The following NAALADL2 variants were observed in gnomAD, a reference collection of about 807,000 sequenced individuals.
NAALADL2 encodes inactive N-acetylated-alpha-linked acidic dipeptidase-like protein 2.
In NAALADL2, 76 loss-of-function variants were observed where a neutral mutation model predicts 87.2. The observed-to-expected ratio is 0.87, with a 90% CI of 0.72 to 1.05. NAALADL2 has a LOEUF of 1.05. NAALADL2 is among the 50% of genes least tolerant of loss of function. The pLI is 0.00. For missense variants in NAALADL2, 1,089 were observed against 945.8 expected, an observed-to-expected ratio of 1.15 and a Z score of -1.99; for synonymous variants, 354 against 331.0, an observed-to-expected ratio of 1.07 and a Z score of -0.75.
chr3:175,663,772 A>G (rs955256774), intron 11 of NAALADL2, among the ~76,000 whole-genome samples: 1 of 151,862 alleles, frequency 6.6e-6, no homozygotes, highest in Non-Finnish European at 1.5e-5. Flanking sequence ...AGAACTTTTA[A>G]TTTGTATTTA....
chr3:174,896,026 A>G (rs1731487370), intron 1 of NAALADL2, among the ~76,000 whole-genome samples: 2 of 152,170 alleles, frequency 1.3e-5, no homozygotes, highest in African/African-American at 2.4e-5. Flanking sequence ...AAAACTGGGT[A>G]TAGAAGAAAC....
At chr3:174,928,870 A>G (rs1053704877) in intron 1 of NAALADL2, among the ~76,000 whole-genome samples, 24 of 152,184 alleles carry the variant, frequency 1.6e-4, no homozygotes, top group Admixed American at 2.6e-4. Flanking sequence ...ACTTTTATTC[A>G]TGTTTGACTC....
At chr3:175,698,674 A>G (rs939503153) in intron 11 of NAALADL2, among the ~76,000 whole-genome samples, 4 of 151,510 alleles carry the variant, frequency 2.6e-5, no homozygotes, top group Non-Finnish European at 4.4e-5. Flanking sequence ...AGTAGAATTT[A>G]GAAGAATTCG....
At chr3:175,665,945 G>C (rs1027386105) in intron 11 of NAALADL2, among the ~76,000 whole-genome samples, 1 of 151,818 alleles carries the variant, frequency 6.6e-6, no homozygotes, top group African/African-American at 2.4e-5. Context: ...CAAAAAAAAG[G>C]TTTTATTATA....
chr3:174,464,379 A>AT (rs35463381), intron 1 of NAALADL2, among the ~76,000 whole-genome samples: 8,176 of 131,448 alleles, frequency 0.062, 309 homozygotes, highest in East Asian at 0.11. Flanking sequence ...TGTTGGATTC[A>AT]TTTTTTTTTT....
chr3:175,799,791 A>G (rs1040247120), intron 13 of NAALADL2, among the ~76,000 whole-genome samples: 2 of 152,204 alleles, frequency 1.3e-5, no homozygotes, highest in African/African-American at 4.8e-5. Flanking sequence ...ATAAAAATAC[A>G]TGTATACATA....
At chr3:174,657,641 G>A (rs538659340) in intron 2 of NAALADL2, among the ~76,000 whole-genome samples, 2 of 152,112 alleles carry the variant, frequency 1.3e-5, no homozygotes, top group South Asian at 2.1e-4. Flanking sequence ...CACCCAAAGG[G>A]CATAATTGAC....
chr3:175,455,863 G>A (rs1201334481), intron 6 of NAALADL2, among the ~76,000 whole-genome samples: 1 of 151,972 alleles, frequency 6.6e-6, no homozygotes, highest in Non-Finnish European at 1.5e-5. Flanking sequence ...AGAACAATCT[G>A]GAAGTCCAAT....
chr3:174,720,882 C>A (rs1731653564), intron 2 of NAALADL2, among the ~76,000 whole-genome samples: 1 of 152,068 alleles, frequency 6.6e-6, no homozygotes, highest in East Asian at 1.9e-4. Context: ...TGTAATAGTT[C>A]TTAGAGACCA....
At chr3:174,615,978 A>T (rs991175922) in intron 2 of NAALADL2, among the ~76,000 whole-genome samples, 2 of 151,996 alleles carry the variant, frequency 1.3e-5, no homozygotes, top group Admixed American at 6.6e-5. Context: ...GTTAACTCCA[A>T]AGCACAGAAG....
chr3:174,765,223 C>T (rs1051089111), intron 3 of NAALADL2, among the ~76,000 whole-genome samples: 1 of 151,674 alleles, frequency 6.6e-6, no homozygotes, highest in Admixed American at 6.6e-5. Flanking sequence ...AGTACTAGAA[C>T]CCACTTAAAG....
intron 1 of NAALADL2, among the ~76,000 whole-genome samples, chr3:175,094,802 T>A (rs1720839418): frequency 7.0e-6 from 1 of 143,442 alleles, no homozygotes; most frequent in Non-Finnish European, 1.5e-5. Flanking sequence ...ATATTATACA[T>A]CCTCCTCTCC....
chr3:175,372,589 A>G (rs746978896), intron 5 of NAALADL2, among the ~76,000 whole-genome samples: 26 of 152,240 alleles, frequency 1.7e-4, no homozygotes, highest in Non-Finnish European at 3.5e-4. Context: ...CATGCCCACT[A>G]AGGCTAACTG....
chr3:174,595,474 C>T (rs989660965), intron 2 of NAALADL2, among the ~76,000 whole-genome samples: 2 of 152,104 alleles, frequency 1.3e-5, no homozygotes, highest in East Asian at 1.9e-4. Context: ...ATAAGTTACA[C>T]GGAAGGAAAA....
chr3:175,292,198 C>A (rs556423198), intron 4 of NAALADL2, among the ~76,000 whole-genome samples: 84 of 152,178 alleles, frequency 5.5e-4, no homozygotes, highest in Admixed American at 5.5e-3. Flanking sequence ...CAGTTTGCCA[C>A]CAGCACAAAT....
chr3:175,485,142 A>C lies in NAALADL2; in HGVS notation c.1653+13384A>C, dbSNP rs551067686. Among the ~76,000 whole-genome samples, 4 of 152,276 alleles carry C rather than the reference A, an allele frequency of 2.6e-5. No homozygotes were observed. In the East Asian group the frequency reaches 7.7e-4, roughly 29 times the overall value. ...TTCAGTTTTGTTTCATCTTTCTATA[A>C]AATAGGAACAATAATACTCATGTTG... is the stretch of plus-strand genomic sequence containing the variant. On this transcript the variant is annotated intron_variant, in intron 9 of 13. Transcript: ENST00000454872.
At chr3:174,628,199 C>T (rs553035789) in intron 2 of NAALADL2, among the ~76,000 whole-genome samples, 177 of 152,072 alleles carry the variant, frequency 1.2e-3, no homozygotes, top group Non-Finnish European at 2.1e-3. Context: ...TATTTCTGGC[C>T]GGTCGTTGTG....
intron 11 of NAALADL2, among the ~76,000 whole-genome samples, chr3:175,667,038 C>T (rs1187265592): frequency 1.3e-5 from 2 of 149,614 alleles, no homozygotes; most frequent in Non-Finnish European, 3.0e-5. Flanking sequence ...TCCTGTTTTT[C>T]AAATACTCCA....
At position 175,697,371 on chromosome 3, in the gene NAALADL2, A is replaced by G. The variant is rs148989752; in HGVS notation, c.1897-39935A>G. ...CCCCTTTTCTGTTGAACAACTACTT[A>G]TAATGTGCTAGTGCTAAAGCTGCAC... On this transcript the variant is annotated intron_variant, in intron 11 of 13. Coordinates refer to ENST00000454872, the MANE Select transcript of NAALADL2 (RefSeq NM_207015.3). 2.9e-3 allele frequency among the ~76,000 whole-genome samples: 437 copies of G among 150,744 alleles called. 5 individuals are homozygous for G. The Middle Eastern group carries it at 0.068, about 23-fold the overall frequency.
Sources: gnomAD v4.1 joint callset for allele counts (sites outside exome capture counted in the v4.1 genomes callset) on GRCh38, gnomAD v4.1.1 for gene constraint, MANE v1.5 for transcripts, NCBI Gene and HGNC (gene_info 2026-07-23, HGNC 2026-07-21) for gene names.